The following GCC2 variants were observed in gnomAD, a reference collection of about 807,000 sequenced individuals.
The protein encoded by GCC2 is GRIP and coiled-coil domain-containing protein 2.
Under a neutral mutation model 210.6 loss-of-function variants are expected in GCC2, and 120 were observed. That is an observed-to-expected ratio of 0.57 (90% CI 0.49 to 0.66). GCC2 has a LOEUF of 0.66. Ranked by LOEUF, GCC2 falls within the 30% of genes least tolerant of loss-of-function variation. The pLI is 0.00. For missense variants in GCC2, 1,868 were observed against 1,871.9 expected, an observed-to-expected ratio of 1.00 and a Z score of 0.04; for synonymous variants, 703 against 652.7, an observed-to-expected ratio of 1.08 and a Z score of -1.17.
chr2:108,477,427 A>T (rs1681600709), intron 9 of GCC2, among the ~76,000 whole-genome samples: 1 of 152,192 alleles, frequency 6.6e-6, no homozygotes, highest in African/African-American at 2.4e-5. Context: ...AGATGAAGGA[A>T]CTCAAAGTCA....
intron 10 of GCC2, 135 bp downstream of exon 10, chr2:108,481,951 T>G: frequency 3.2e-6 from 2 of 624,056 alleles, no homozygotes; most frequent in East Asian, 2.9e-5. Context: ...CCTTCCCACT[T>G]AGGAGAGAAG....
At chr2:108,482,483 A>G (rs181043149) in intron 11 of GCC2, 32 bp downstream of exon 11, 3 of 1,087,030 alleles carry the variant, frequency 2.8e-6, no homozygotes, top group Non-Finnish European at 4.1e-6. Flanking sequence ...TGATTCACAT[A>G]TATATGATGC....
intron 10 of GCC2, among the ~76,000 whole-genome samples, chr2:108,482,068 T>C (rs1396061705): frequency 6.6e-6 from 1 of 152,198 alleles, no homozygotes; most frequent in Non-Finnish European, 1.5e-5. Flanking sequence ...TTTCTGCTCT[T>C]TGCTCTGCCA....
chr2:108,504,132 T>A (rs1417404597), intron 22 of GCC2, among the ~76,000 whole-genome samples: 2 of 152,054 alleles, frequency 1.3e-5, no homozygotes, highest in African/African-American at 2.4e-5. Context: ...TAAAAAAAAA[T>A]TAAGAAATAA....
At chr2:108,483,622 T>A (rs1015394683) in intron 12 of GCC2, among the ~76,000 whole-genome samples, 5 of 152,306 alleles carry the variant, frequency 3.3e-5, no homozygotes, top group African/African-American at 1.2e-4. Context: ...GCTCAAAAAA[T>A]TGGAAATTTA....
chr2:108,450,834 G>C (rs926418387), intron 2 of GCC2, among the ~76,000 whole-genome samples, 194 bp from the exon 3 acceptor site: 1 of 152,106 alleles, frequency 6.6e-6, no homozygotes, highest in African/African-American at 2.4e-5. Flanking sequence ...AGTGAGCCAA[G>C]ATCGTGTCAT....
At chr2:108,504,416 G>A (rs567441323) in intron 22 of GCC2, among the ~76,000 whole-genome samples, 2 of 152,180 alleles carry the variant, frequency 1.3e-5, no homozygotes, top group Admixed American at 1.3e-4. Context: ...ACATATTAGG[G>A]GCCCAACTTA....
chr2:108,499,920 T>C lies in GCC2; in HGVS notation c.4984+166T>C, dbSNP rs965022220. The stretch of plus-strand genomic sequence containing the variant: ...TTTGAAAAGCTGACTTTTTAACATC[T>C]TGAGGCAACTGTAGTACATTTATAT... On this transcript the variant is annotated intron_variant, in intron 22 of 22. Transcript: ENST00000309863. 6.0e-4 allele frequency among the ~76,000 whole-genome samples: 92 copies of C among 152,340 alleles called. 1 individual carries two copies. The highest frequency in any genetic ancestry group is 3.4e-3 in the Middle Eastern group (1 of 294).
intron 4 of GCC2, among the ~76,000 whole-genome samples, chr2:108,460,930 C>T (rs2104424049): frequency 6.6e-6 from 1 of 152,286 alleles, no homozygotes; most frequent in South Asian, 2.1e-4. Context: ...CTGCTCCGAC[C>T]CTGTAAGATG....
At chr2:108,465,251 A>G (rs1680819650) in intron 4 of GCC2, among the ~76,000 whole-genome samples, 1 of 152,198 alleles carries the variant, frequency 6.6e-6, no homozygotes, top group Admixed American at 6.5e-5. Context: ...TTATCTACTC[A>G]CTATTTTGGT....
At chr2:108,478,429 A>T (rs892578657) in intron 9 of GCC2, among the ~76,000 whole-genome samples, 1 of 152,210 alleles carries the variant, frequency 6.6e-6, no homozygotes. Context: ...TTATAAAGAT[A>T]CTGAGTAATT....
In GCC2 at chr2:108,489,818, A is replaced by G. The variant is rs918661706; in HGVS notation, c.4053-20A>G. 2.6e-6 allele frequency: 4 copies of G among 1,557,354 alleles called. No homozygotes were observed. Among genetic ancestry groups the G allele is most frequent in the Non-Finnish European group, 1.7e-6 (2 of 1,153,190 alleles). ...TTCACCTTTTTCAAAAAATTTTAAA[A>G]CTGTGTATTTCTGTTTTAGGGAACA... On this transcript the variant is annotated intron_variant, in intron 17 of 22. Coordinates refer to ENST00000309863, the MANE Select transcript of GCC2 (RefSeq NM_181453.4).
chr2:108,483,254 C>T, intron 12 of GCC2, 88 bp downstream of exon 12: 3 of 716,632 alleles, frequency 4.2e-6, no homozygotes, highest in Non-Finnish European at 7.2e-6. Context: ...TCTGCAATCT[C>T]ACTCTGTGGC....
intron 11 of GCC2, among the ~76,000 whole-genome samples, chr2:108,482,781 A>G (rs573347865): frequency 1.3e-5 from 2 of 152,024 alleles, no homozygotes; most frequent in Non-Finnish European, 1.5e-5. Flanking sequence ...GGTTCATGCC[A>G]TTCTCCTGCC....
intron 2 of GCC2, among the ~76,000 whole-genome samples, chr2:108,450,604 G>A (rs1317031992): frequency 1.3e-5 from 2 of 152,222 alleles, no homozygotes; most frequent in Admixed American, 6.5e-5. Context: ...AAATGTGGCC[G>A]GGCGCGGTGG....
chr2:108,485,550 C>G, intron 13 of GCC2, 86 bp from the exon 14 acceptor site: 2 of 707,798 alleles, frequency 2.8e-6, no homozygotes, highest in East Asian at 2.6e-5. Flanking sequence ...AAAGACAAGC[C>G]AATACAAAGA....
intron 15 of GCC2, 92 bp from the exon 16 acceptor site, chr2:108,486,419 T>C (rs543225191): frequency 8.4e-5 from 101 of 1,196,584 alleles, no homozygotes; most frequent in South Asian, 1.5e-4. Context: ...TATGTACTTA[T>C]GTCTCAAACC....
intron 7 of GCC2, among the ~76,000 whole-genome samples, chr2:108,474,374 A>G (rs1318878477): frequency 6.6e-6 from 1 of 152,202 alleles, no homozygotes; most frequent in Non-Finnish European, 1.5e-5. Flanking sequence ...GTGCTTCAAG[A>G]GGGAAAAAGC....
At chr2:108,487,634 C>G in intron 16 of GCC2, 65 bp from the exon 17 acceptor site, 1 of 1,418,928 alleles carries the variant, frequency 7.0e-7, no homozygotes. Context: ...ATTTGTTAAT[C>G]TCTGAAAGAA....
Sources: allele counts gnomAD v4.1 joint callset (sites outside exome capture counted in the v4.1 genomes callset), GRCh38; gene constraint gnomAD v4.1.1; transcripts MANE v1.5; gene names NCBI Gene and HGNC (gene_info 2026-07-23, HGNC 2026-07-21).